FAM227B: variants seen among roughly 807,000 people sequenced by gnomAD.
FAM227B encodes protein FAM227B.
In FAM227B, 88 loss-of-function variants were observed where a neutral mutation model predicts 73.8. The ratio of observed to expected loss-of-function variants is 1.19; its 90% CI spans 1.00 to 1.42. FAM227B has a LOEUF of 1.42. FAM227B is among the 40% of genes most tolerant of loss of function. FAM227B has a pLI of 0.00. For missense variants in FAM227B, 632 were observed against 590.9 expected (o/e 1.07, Z -0.72); for synonymous variants, 210 against 190.5 (o/e 1.10, Z -0.84).
intron 5 of FAM227B, among the ~76,000 whole-genome samples, chr15:49,586,015 C>G (rs2076139064): frequency 6.6e-6 from 1 of 152,042 alleles, no homozygotes; most frequent in Admixed American, 6.6e-5. Flanking sequence ...ATTCACAGAA[C>G]TAGAAAAGGC....
At chr15:49,423,041 ATC>A (rs1435088421) in intron 11 of FAM227B, 1 of 223,322 alleles carries the variant, frequency 4.5e-6, no homozygotes, top group Admixed American at 5.1e-5. Flanking sequence ...AGAACCAGAG[ATC>A]TGTTTCTACA....
intron 9 of FAM227B, among the ~76,000 whole-genome samples, chr15:49,557,207 C>G (rs930633760): frequency 4.6e-5 from 7 of 152,130 alleles, no homozygotes; most frequent in African/African-American, 1.7e-4. Flanking sequence ...TAGTCAGCCA[C>G]CTTAGAAATT....
intron 5 of FAM227B, among the ~76,000 whole-genome samples, chr15:49,578,588 A>G (rs1227652205): frequency 6.6e-6 from 1 of 152,136 alleles, no homozygotes; most frequent in African/African-American, 2.4e-5. Context: ...CATATTACAC[A>G]TACACATATA....
intron 11 of FAM227B, among the ~76,000 whole-genome samples, chr15:49,475,506 C>G (rs2055179680): frequency 6.6e-6 from 1 of 151,970 alleles, no homozygotes; most frequent in South Asian, 2.1e-4. Context: ...TGTATTTAAA[C>G]TTTAATATTA....
chr15:49,449,323 T>A (rs2151876093), intron 11 of FAM227B, among the ~76,000 whole-genome samples: 1 of 152,224 alleles, frequency 6.6e-6, no homozygotes, highest in East Asian at 1.9e-4. Context: ...TGTTTTTTAC[T>A]TCTATACCTA....
At chr15:49,523,167 G>C (rs962395701) in intron 10 of FAM227B, among the ~76,000 whole-genome samples, 1 of 152,184 alleles carries the variant, frequency 6.6e-6, no homozygotes, top group African/African-American at 2.4e-5. Context: ...GATGCTAGAA[G>C]AGTGAGCCTA....
At chr15:49,559,865 G>A (rs527977642) in intron 9 of FAM227B, among the ~76,000 whole-genome samples, 1 of 152,134 alleles carries the variant, frequency 6.6e-6, no homozygotes, top group African/African-American at 2.4e-5. Flanking sequence ...AACCTGAAAG[G>A]TGGAGACTGC....
intron 10 of FAM227B, among the ~76,000 whole-genome samples, chr15:49,535,748 G>C (rs1475138022): frequency 6.6e-6 from 1 of 151,756 alleles, no homozygotes; most frequent in African/African-American, 2.4e-5. Context: ...AGCATGCAAG[G>C]CTGGTTTAAT....
At position 49,505,516 on chromosome 15, in the gene FAM227B, C is replaced by T. The variant is rs950332410; in HGVS notation, c.1012+2695G>A. On this transcript the variant is annotated intron_variant, in intron 11 of 15. Transcript: ENST00000299338. ...ATATTTGACAATAGCAAAAAAGACA[C>T]GGGGGTGTATATGTAACTATACTGC... 3.3e-5 allele frequency among the ~76,000 whole-genome samples: 5 copies of T among 152,106 alleles called. No homozygotes were observed. In the East Asian group the frequency reaches 7.7e-4, roughly 23 times the overall value.
In FAM227B at chr15:49,365,986, A is replaced by G. The variant is rs148045916; in HGVS notation, c.1271+1462T>C. 4.8e-4 allele frequency: 397 copies of G among 819,378 alleles called. No homozygotes were observed. In the African/African-American group the frequency reaches 6.2e-3, roughly 13 times the overall value. The allele number at this position is 819,378 out of a possible 1,614,324, so 50.8% of individuals were successfully genotyped here. A position where few individuals can be genotyped will look rare whatever the true frequency, so the allele number is the denominator to read the frequency against. On this transcript the variant is annotated intron_variant, in intron 13 of 15. Coordinates refer to ENST00000299338, the MANE Select transcript of FAM227B (RefSeq NM_152647.3). ...GTGGAAGAAATAAAGTAAGACCATC[A>G]TAACACAGTAGATGACTACAAATAT...
At chr15:49,524,860 G>A (rs556614021) in intron 10 of FAM227B, among the ~76,000 whole-genome samples, 1 of 152,264 alleles carries the variant, frequency 6.6e-6, no homozygotes, top group East Asian at 1.9e-4. Context: ...GACTTGCATG[G>A]GGTCCGTGGC....
At chr15:49,537,104 G>A (rs1035575136) in intron 10 of FAM227B, among the ~76,000 whole-genome samples, 8 of 151,970 alleles carry the variant, frequency 5.3e-5, no homozygotes, top group Non-Finnish European at 8.8e-5. Flanking sequence ...GCACGTCAAA[G>A]AAAATAATCA....
At chr15:49,489,787 GATATATATATATATTTT>G (rs2056735178) in intron 11 of FAM227B, among the ~76,000 whole-genome samples, 8 of 78,116 alleles carry the variant, frequency 1.0e-4, no homozygotes, top group African/African-American at 2.5e-4. Context: ...CAGAACAGGA[GATATATATATATATTTT>G]ATATATATAT....
intron 10 of FAM227B, among the ~76,000 whole-genome samples, chr15:49,536,163 T>G (rs2070239606): frequency 6.6e-6 from 1 of 151,054 alleles, no homozygotes; most frequent in African/African-American, 2.4e-5. Flanking sequence ...GATGACATAA[T>G]AGTATCTGTA....
chr15:49,512,405 C>A (rs1239117762), intron 10 of FAM227B, among the ~76,000 whole-genome samples: 1 of 151,498 alleles, frequency 6.6e-6, no homozygotes, highest in Non-Finnish European at 1.5e-5. Context: ...CATTTTTTTG[C>A]TCGCTTCTTC....
intron 13 of FAM227B, among the ~76,000 whole-genome samples, chr15:49,340,845 A>C (rs749932270): frequency 3.3e-5 from 5 of 152,206 alleles, no homozygotes; most frequent in African/African-American, 7.2e-5. Context: ...CTCAATGCCA[A>C]TGTACAGAAT....
At chr15:49,403,741 T>C (rs1372952539) in intron 11 of FAM227B, among the ~76,000 whole-genome samples, 2 of 152,168 alleles carry the variant, frequency 1.3e-5, no homozygotes, top group East Asian at 3.8e-4. Context: ...TGAATGTTTT[T>C]TCGTGTCTTA....
At chr15:49,540,133 G>A (rs1423684936) in intron 10 of FAM227B, among the ~76,000 whole-genome samples, 1 of 152,188 alleles carries the variant, frequency 6.6e-6, no homozygotes, top group Non-Finnish European at 1.5e-5. Flanking sequence ...CTCAGTGGAA[G>A]AGCCAGCAGT....
At chr15:49,419,190 G>A (rs1325206118) in intron 11 of FAM227B, among the ~76,000 whole-genome samples, 1 of 152,140 alleles carries the variant, frequency 6.6e-6, no homozygotes, top group African/African-American at 2.4e-5. Context: ...CTGATTCTCT[G>A]GAGTATTGCT....
Sources: allele counts gnomAD v4.1 joint callset (sites outside exome capture counted in the v4.1 genomes callset), GRCh38; gene constraint gnomAD v4.1.1; transcripts MANE v1.5; gene names NCBI Gene and HGNC (gene_info 2026-07-23, HGNC 2026-07-21).